The following ITGA1 variants were observed in gnomAD, a reference collection of about 807,000 sequenced individuals.
The protein encoded by ITGA1 is integrin alpha-1.
Under a neutral mutation model 145.9 loss-of-function variants are expected in ITGA1, and 85 were observed. That is an observed-to-expected ratio of 0.58 (90% CI 0.49 to 0.70). The LOEUF (loss-of-function observed/expected upper bound fraction) is 0.70, where lower values mean the gene tolerates loss of function less well. ITGA1 is among the 30% of genes least tolerant of loss of function. The probability of loss-of-function intolerance (pLI) is 0.00; values close to 1 mark genes in which losing one functional copy is unlikely to be tolerated. For synonymous variants in ITGA1, 520 were observed against 495.3 expected (o/e 1.05, Z -0.66); for missense variants, 1,351 against 1,418.7 (o/e 0.95, Z 0.77).
At position 52,835,235 on chromosome 5, in the gene ITGA1, G is replaced by A. The variant is rs186867266; in HGVS notation, c.62-14130G>A. 5.5e-4 allele frequency among the ~76,000 whole-genome samples: 83 copies of A among 152,226 alleles called. 1 individual carries two copies. Among genetic ancestry groups the A allele is most frequent in the African/African-American group, 1.5e-3 (61 of 41,540 alleles). On this transcript the variant is annotated intron_variant, in intron 1 of 28. Transcript: ENST00000282588. The stretch of plus-strand genomic sequence containing the variant: ...AATCATATCCAGAACTGTGCTAGGC[G>A]TTGAGAATGAGAATATAAGTTCTTA...
At chr5:52,814,968 A>G (rs1463218058) in intron 1 of ITGA1, among the ~76,000 whole-genome samples, 1 of 152,128 alleles carries the variant, frequency 6.6e-6, no homozygotes, top group African/African-American at 2.4e-5. Flanking sequence ...CTTAGCTGAC[A>G]TTTGGTTCTA....
chr5:52,861,279 G>T (rs190709775), intron 2 of ITGA1, among the ~76,000 whole-genome samples, 168 bp from the exon 3 acceptor site: 2 of 152,076 alleles, frequency 1.3e-5, no homozygotes, highest in Non-Finnish European at 2.9e-5. Context: ...ACATCAATAT[G>T]CAAGAGGTAG....
intron 1 of ITGA1, among the ~76,000 whole-genome samples, chr5:52,809,433 C>T (rs1327758546): frequency 6.6e-6 from 1 of 151,992 alleles, no homozygotes; most frequent in African/African-American, 2.4e-5. Context: ...CACTGATCTT[C>T]CATTAGTTTC....
chr5:52,819,949 G>T (rs1183170950), intron 1 of ITGA1, among the ~76,000 whole-genome samples: 1 of 152,130 alleles, frequency 6.6e-6, no homozygotes, highest in Non-Finnish European at 1.5e-5. Flanking sequence ...TCAAAGATCA[G>T]ATGGTTAGAT....
At chr5:52,836,817 T>C (rs943299285) in intron 1 of ITGA1, among the ~76,000 whole-genome samples, 1 of 152,162 alleles carries the variant, frequency 6.6e-6, no homozygotes, top group African/African-American at 2.4e-5. Context: ...TTGAAATAGT[T>C]AAGAAAATAG....
intron 2 of ITGA1, among the ~76,000 whole-genome samples, chr5:52,850,485 T>G (rs1749413027): frequency 6.6e-6 from 1 of 152,178 alleles, no homozygotes; most frequent in African/African-American, 2.4e-5. Context: ...GCCTACATTT[T>G]TAGTAGCTGT....
chr5:52,939,466 C>G (rs1432536869), intron 24 of ITGA1, 124 bp from the exon 25 acceptor site: 2 of 661,394 alleles, frequency 3.0e-6, no homozygotes, highest in East Asian at 2.7e-5. Context: ...AGCACACTTA[C>G]AAAGATGGAT....
chr5:52,861,065 TATTG>T (rs1255758229), intron 2 of ITGA1, among the ~76,000 whole-genome samples: 1 of 152,276 alleles, frequency 6.6e-6, no homozygotes, highest in African/African-American at 2.4e-5. Flanking sequence ...AGCCAATAAT[TATTG>T]ATTATTTCAG....
intron 8 of ITGA1, 56 bp from the exon 9 acceptor site, chr5:52,893,619 C>T: frequency 6.7e-7 from 1 of 1,490,098 alleles, no homozygotes. Flanking sequence ...GCTTGAGATC[C>T]TTTATTTAAC....
intron 1 of ITGA1, among the ~76,000 whole-genome samples, chr5:52,846,644 C>T (rs1231698573): frequency 1.3e-5 from 2 of 152,286 alleles, no homozygotes; most frequent in South Asian, 2.1e-4. Context: ...TTCTCTATCA[C>T]GCTGGAAGAA....
chr5:52,906,573 A>C (rs185109378), intron 12 of ITGA1, among the ~76,000 whole-genome samples: 284 of 152,342 alleles, frequency 1.9e-3, no homozygotes, highest in Non-Finnish European at 3.3e-3. Flanking sequence ...CACACATATT[A>C]ACTGAAAGAA....
At chr5:52,913,034 C>A (rs1191702022) in intron 14 of ITGA1, among the ~76,000 whole-genome samples, 1 of 152,062 alleles carries the variant, frequency 6.6e-6, no homozygotes, top group Non-Finnish European at 1.5e-5. Flanking sequence ...GCGTGAGCCA[C>A]CGTGCCTGGC....
intron 1 of ITGA1, among the ~76,000 whole-genome samples, chr5:52,797,712 T>C (rs763682379): frequency 1.3e-5 from 2 of 152,170 alleles, no homozygotes; most frequent in Non-Finnish European, 2.9e-5. Context: ...TATGGAGTTA[T>C]GCAGGCCTGA....
chr5:52,917,649 TA>T (rs1480205399), intron 15 of ITGA1, among the ~76,000 whole-genome samples: 1 of 152,202 alleles, frequency 6.6e-6, no homozygotes, highest in Non-Finnish European at 1.5e-5. Flanking sequence ...TATAATGTTT[TA>T]AAAATTTGTA....
chr5:52,835,933 T>C (rs1352448387), intron 1 of ITGA1, among the ~76,000 whole-genome samples: 2 of 152,226 alleles, frequency 1.3e-5, no homozygotes, highest in Non-Finnish European at 2.9e-5. Context: ...TTCTATATCC[T>C]GTTGAACTTT....
rs1481685431 is a variant in ITGA1 at position 52,954,048 on chromosome 5, G to A, written c.*1597G>A. 6.6e-6 allele frequency: 1 copy of A among 152,150 alleles called. No individual in the cohort carries two copies. Among genetic ancestry groups the A allele is most frequent in the Non-Finnish European group, 1.5e-5 (1 of 68,042 alleles). 9.4% of individuals were successfully genotyped at this position (152,150 alleles called of 1,614,324 possible). Reference sequence around the variant, plus strand: ...CGCATCTAAGATCCTGAAGGCCAAAGGAATGCGCCTGTGGGATGCCAAAGC... The same window carrying A: ...CGCATCTAAGATCCTGAAGGCCAAAAGAATGCGCCTGTGGGATGCCAAAGC... On this transcript the variant is annotated 3_prime_UTR_variant, in exon 29 of 29. Transcript: ENST00000282588.
At chr5:52,829,613 T>C (rs1282341838) in intron 1 of ITGA1, among the ~76,000 whole-genome samples, 2 of 152,130 alleles carry the variant, frequency 1.3e-5, no homozygotes, top group Non-Finnish European at 2.9e-5. Context: ...ATTTATCTGT[T>C]GTGGGTTTTT....
At chr5:52,872,406 C>A (rs1749790821) in intron 6 of ITGA1, among the ~76,000 whole-genome samples, 1 of 151,896 alleles carries the variant, frequency 6.6e-6, no homozygotes, top group South Asian at 2.1e-4. Context: ...AATAATCATT[C>A]CGAAGTGAGT....
In ITGA1 at chr5:52,918,764, T is replaced by A. The variant is rs561483070; in HGVS notation, c.2021T>A (p.Met674Lys). Residue 674 changes from methionine to lysine, a missense_variant, in exon 16 of 29, where the codon ATG becomes AAG. Physicochemically the swap from Met to Lys is moderately conservative, Grantham distance 95. Coordinates refer to ENST00000282588, the MANE Select transcript of ITGA1 (RefSeq NM_181501.2). ...GATGTGGCCGTAGTTAAAGTGACCA[T>A]GAATTTTGAGCCAAATAAAGTGAAT... ...SRDVAVVKVT[M>K]NFEPNKVNIQ... The A allele has an allele frequency of 1.4e-5, 22 of 1,611,920 alleles. 1 individual carries two copies. The South Asian group carries it at 2.3e-4, about 17-fold the overall frequency.
Sources: allele counts gnomAD v4.1 joint callset (sites outside exome capture counted in the v4.1 genomes callset), GRCh38; gene constraint gnomAD v4.1.1; transcripts MANE v1.5; gene names NCBI Gene and HGNC (gene_info 2026-07-23, HGNC 2026-07-21).